MMP11: variants seen among roughly 807,000 people sequenced by gnomAD.
MMP11 encodes the protein stromelysin-3.
In MMP11, 26 loss-of-function variants were observed where a neutral mutation model predicts 49.5. That is an observed-to-expected ratio of 0.52 (90% CI 0.38 to 0.73). MMP11 has a LOEUF of 0.73. Ranked by LOEUF, MMP11 falls within the 30% of genes least tolerant of loss-of-function variation. The pLI, the probability that MMP11 is intolerant of heterozygous loss-of-function variation, is 0.00. For synonymous variants in MMP11, 265 were observed against 282.3 expected (o/e 0.94, Z 0.62); for missense variants, 624 against 671.2 (o/e 0.93, Z 0.78).
rs1410145587 is a variant in MMP11, at chr22:23,784,192, G to A, written c.*648G>A. On this transcript the variant is annotated 3_prime_UTR_variant, in exon 8 of 8. Transcript: ENST00000215743. Reference sequence around the variant, plus strand: ...ATCCTGTCCCAGGCCGGATCCTCCTGAAGCCCTTTTCGCAGCACTGCTATC... The same window carrying A: ...ATCCTGTCCCAGGCCGGATCCTCCTAAAGCCCTTTTCGCAGCACTGCTATC... The A allele has an allele frequency of 1.9e-5, 3 of 155,270 alleles. No individual in the cohort carries two copies. The highest frequency in any genetic ancestry group is 7.2e-5 in the African/African-American group (3 of 41,458). 9.6% of individuals were successfully genotyped at this position (155,270 alleles called of 1,614,324 possible). A position where few individuals can be genotyped will look rare whatever the true frequency, so the allele number is the denominator to read the frequency against.
intron 6 of MMP11, 114 bp downstream of exon 6, chr22:23,781,523 C>T: frequency 1.9e-6 from 2 of 1,042,654 alleles, no homozygotes; most frequent in South Asian, 3.1e-5. Context: ...GGAGAGCTGC[C>T]CCAAAGCCTG....
intron 6 of MMP11, 140 bp downstream of exon 6, chr22:23,781,549 A>G (rs1927635181): frequency 3.6e-6 from 3 of 824,804 alleles, no homozygotes; most frequent in South Asian, 3.5e-5. Context: ...CGAGGGAGAG[A>G]GAGTGTGGTT....
Position 23,783,773 on chromosome 22 carries a change from A to C in MMP11, c.*229A>C. 1 of 600,138 alleles carries C rather than the reference A, an allele frequency of 1.7e-6. No homozygotes were observed. The highest frequency in any genetic ancestry group is 4.5e-4 in the Middle Eastern group (1 of 2,210). 37.2% of individuals were successfully genotyped at this position (600,138 alleles called of 1,614,324 possible). A position where few individuals can be genotyped will look rare whatever the true frequency, so the allele number is the denominator to read the frequency against. On this transcript the variant is annotated 3_prime_UTR_variant, in exon 8 of 8. Coordinates refer to ENST00000215743, the MANE Select transcript of MMP11 (RefSeq NM_005940.5). ...GACTGGGCAGGGAGGCTTTGGCATG[A>C]CTTAAGAGGAAGGGCAGTCTTGGGC...
At chr22:23,783,119 G>A (rs1349378367) in intron 7 of MMP11, among the ~76,000 whole-genome samples, 1 of 152,160 alleles carries the variant, frequency 6.6e-6, no homozygotes, top group African/African-American at 2.4e-5. Flanking sequence ...GAGGGTGGTG[G>A]GGGCAACGGG....
At chr22:23,774,101 C>G (rs1245669227) in intron 1 of MMP11, among the ~76,000 whole-genome samples, 1 of 152,150 alleles carries the variant, frequency 6.6e-6, no homozygotes, top group Admixed American at 6.5e-5. Flanking sequence ...GACATTGAAC[C>G]ACAGGTCTGG....
chr22:23,779,814 A>G (rs117257497), intron 2 of MMP11: 4,039 of 283,376 alleles, frequency 0.014, 51 homozygotes, highest in Non-Finnish European at 0.021. Context: ...GTCATTGTCC[A>G]ACTCTACCAT....
In MMP11 at chr22:23,783,480, G is replaced by C; in HGVS notation, c.1403G>C (p.Gly468Ala). The C allele has an allele frequency of 6.2e-7, 1 of 1,614,186 alleles. No individual in the cohort carries two copies. The highest frequency in any genetic ancestry group is 1.1e-5 in the South Asian group (1 of 91,082). Reference sequence around the variant, plus strand: ...CCTGTGAAGGTGAAGGCTCTGGAAGGCTTCCCCCGTCTCGTGGGTCCTGAC... The same window carrying C: ...CCTGTGAAGGTGAAGGCTCTGGAAGCCTTCCCCCGTCTCGTGGGTCCTGAC... ...FDPVKVKALE[G>A]FPRLVGPDFF... The change falls in exon 8 of 8, where the codon GGC (glycine) becomes GCC (alanine). Residue 468 changes from glycine to alanine, a missense_variant. Physicochemically the swap from Gly to Ala is moderately conservative, Grantham distance 60. Coordinates refer to ENST00000215743, the MANE Select transcript of MMP11 (RefSeq NM_005940.5).
chr22:23,781,808 A>G (rs1437473461), intron 6 of MMP11: 12 of 581,672 alleles, frequency 2.1e-5, no homozygotes, highest in African/African-American at 7.4e-5. Context: ...TCCATCCTCA[A>G]CTGGCAGAGA....
At chr22:23,774,664 G>A (rs1927348505) in intron 1 of MMP11, among the ~76,000 whole-genome samples, 1 of 152,160 alleles carries the variant, frequency 6.6e-6, no homozygotes, top group Non-Finnish European at 1.5e-5. Context: ...CTCTGAGCCT[G>A]CATGGTGATG....
At chr22:23,778,146 C>T (rs1054517111) in intron 1 of MMP11, among the ~76,000 whole-genome samples, 2 of 152,250 alleles carry the variant, frequency 1.3e-5, no homozygotes, top group African/African-American at 4.8e-5. Context: ...TCCTTCAGTG[C>T]AGGAAGGACA....
At chr22:23,779,633 G>T in intron 2 of MMP11, 1 of 578,420 alleles carries the variant, frequency 1.7e-6, no homozygotes, top group South Asian at 2.3e-5. Context: ...CAGCAGAGGG[G>T]CAGAGCCTCC....
At chr22:23,783,013 C>A (rs140998814) in intron 7 of MMP11, among the ~76,000 whole-genome samples, 152 of 152,314 alleles carry the variant, frequency 1.0e-3, no homozygotes, top group African/African-American at 3.6e-3. Context: ...TCAGGACCCA[C>A]TGGGAGAGCT....
At chr22:23,773,684 G>A (rs949427405) in intron 1 of MMP11, among the ~76,000 whole-genome samples, 6 of 152,142 alleles carry the variant, frequency 3.9e-5, no homozygotes, top group African/African-American at 1.2e-4. Flanking sequence ...AGGAGAGGAG[G>A]GACTGTCATG....
intron 1 of MMP11, among the ~76,000 whole-genome samples, chr22:23,776,316 T>C (rs745369941): frequency 2.6e-5 from 4 of 152,202 alleles, no homozygotes; most frequent in African/African-American, 7.2e-5. Context: ...AGGGTCTTCA[T>C]ACCCCTGCCA....
chr22:23,781,533 G>C (rs1927634173), intron 6 of MMP11, 124 bp downstream of exon 6: 2 of 905,074 alleles, frequency 2.2e-6, no homozygotes, highest in Middle Eastern at 2.9e-4. Context: ...CCCAAAGCCT[G>C]GGGGCCGAGG....
intron 1 of MMP11, among the ~76,000 whole-genome samples, chr22:23,774,903 C>T (rs1361193492): frequency 1.3e-5 from 2 of 152,178 alleles, no homozygotes; most frequent in African/African-American, 2.4e-5. Flanking sequence ...AAGTTGACCC[C>T]AGGGCGGGGT....
chr22:23,779,671 G>C (rs1927545825), intron 2 of MMP11: 2 of 552,628 alleles, frequency 3.6e-6, no homozygotes, highest in Non-Finnish European at 6.4e-6. Context: ...CGCAGCACAT[G>C]CCTGCGGACG....
chr22:23,783,852 A>C lies in MMP11; in HGVS notation c.*308A>C, dbSNP rs931648920. The C allele has an allele frequency of 6.6e-5, 28 of 424,112 alleles. No individual in the cohort carries two copies. The highest frequency in any genetic ancestry group is 1.1e-4 in the Non-Finnish European group (25 of 226,776). 26.3% of individuals were successfully genotyped at this position (424,112 alleles called of 1,614,324 possible). On this transcript the variant is annotated 3_prime_UTR_variant, in exon 8 of 8. Transcript: ENST00000215743. The stretch of plus-strand genomic sequence containing the variant: ...TGCCCTGTCTCCATCCCTGTCCCTC[A>C]GGGTAGCACCATGGCAGGACTGGGG...
intron 1 of MMP11, 123 bp from the exon 2 acceptor site, chr22:23,779,064 T>TC: frequency 1.3e-6 from 1 of 764,758 alleles, no homozygotes; most frequent in Non-Finnish European, 2.1e-6. Flanking sequence ...CCTTTCCCTC[T>TC]CCATTTGCCC....
Sources: allele counts gnomAD v4.1 joint callset (sites outside exome capture counted in the v4.1 genomes callset), GRCh38; gene constraint gnomAD v4.1.1; transcripts MANE v1.5; gene names NCBI Gene and HGNC (gene_info 2026-07-23, HGNC 2026-07-21).